NRCAM: variants seen among roughly 807,000 people sequenced by gnomAD.
The protein encoded by NRCAM is NgCAM-related cell adhesion molecule.
Under a neutral mutation model 156.5 loss-of-function variants are expected in NRCAM, and 83 were observed. That is an observed-to-expected ratio of 0.53 (90% confidence interval 0.44 to 0.64). NRCAM has a LOEUF of 0.64. Ranked by LOEUF, NRCAM falls within the 30% of genes least tolerant of loss-of-function variation. NRCAM has a pLI of 0.00. For synonymous variants in NRCAM, 538 were observed against 563.9 expected, an observed-to-expected ratio of 0.95 and a Z score of 0.65; for missense variants, 1,417 against 1,597.3, an observed-to-expected ratio of 0.89 and a Z score of 1.92.
intron 32 of NRCAM, among the ~76,000 whole-genome samples, chr7:108,152,685 T>C (rs1419075753): frequency 6.6e-6 from 1 of 152,140 alleles, no homozygotes; most frequent in Non-Finnish European, 1.5e-5. Flanking sequence ...ATAATGTCTA[T>C]GGCTGCTTTA....
At chr7:108,428,325 C>A (rs1820088082) in intron 1 of NRCAM, among the ~76,000 whole-genome samples, 1 of 152,088 alleles carries the variant, frequency 6.6e-6, no homozygotes, top group Non-Finnish European at 1.5e-5. Flanking sequence ...ATCAGTTGTG[C>A]CTACATATAT....
At chr7:108,308,517 T>C (rs981024573) in intron 3 of NRCAM, among the ~76,000 whole-genome samples, 1 of 152,170 alleles carries the variant, frequency 6.6e-6, no homozygotes, top group Non-Finnish European at 1.5e-5. Flanking sequence ...ACCAGATATT[T>C]CTCCCCACTA....
intron 2 of NRCAM, among the ~76,000 whole-genome samples, chr7:108,377,293 G>A (rs2099680255): frequency 6.6e-6 from 1 of 152,152 alleles, no homozygotes; most frequent in Non-Finnish European, 1.5e-5. Context: ...CAAACAAAAT[G>A]AATCCCAGAC....
At chr7:108,428,497 T>C (rs1820353340) in intron 1 of NRCAM, among the ~76,000 whole-genome samples, 1 of 152,198 alleles carries the variant, frequency 6.6e-6, no homozygotes, top group African/African-American at 2.4e-5. Context: ...GTGAGAAGAC[T>C]ATATGTTCCT....
At chr7:108,191,958 T>C (rs1204412022) in intron 17 of NRCAM, 105 bp from the exon 18 acceptor site, 4 of 1,326,224 alleles carry the variant, frequency 3.0e-6, no homozygotes, top group Non-Finnish European at 3.1e-6. Flanking sequence ...AGGAGAAAGA[T>C]GGTAAACACT....
chr7:108,381,853 G>A (rs920973075), intron 2 of NRCAM, among the ~76,000 whole-genome samples: 1 of 152,092 alleles, frequency 6.6e-6, no homozygotes, highest in African/African-American at 2.4e-5. Context: ...GAGTCACTGC[G>A]CCTGGCCTGC....
chr7:108,326,931 C>T (rs2099075091), intron 2 of NRCAM, among the ~76,000 whole-genome samples: 1 of 152,166 alleles, frequency 6.6e-6, no homozygotes, highest in Non-Finnish European at 1.5e-5. Flanking sequence ...TATCATGCTG[C>T]CCTTATCCTT....
intron 1 of NRCAM, among the ~76,000 whole-genome samples, chr7:108,443,322 G>A (rs1398441429): frequency 6.6e-6 from 1 of 152,144 alleles, no homozygotes; most frequent in African/African-American, 2.4e-5. Flanking sequence ...ACCAAATGGG[G>A]AGACATCATA....
At chr7:108,336,433 T>A (rs1319222022) in intron 2 of NRCAM, among the ~76,000 whole-genome samples, 3 of 152,246 alleles carry the variant, frequency 2.0e-5, no homozygotes, top group Admixed American at 2.0e-4. Flanking sequence ...TCTGTAGGAA[T>A]TAACAACTAA....
chr7:108,165,646 C>A (rs1331899968), intron 30 of NRCAM, among the ~76,000 whole-genome samples: 6 of 152,230 alleles, frequency 3.9e-5, no homozygotes, highest in Non-Finnish European at 7.4e-5. Flanking sequence ...ATACAAAGAA[C>A]AGAATAAAAT....
chr7:108,183,753 T>A (rs1283819876), intron 22 of NRCAM, among the ~76,000 whole-genome samples: 1 of 152,128 alleles, frequency 6.6e-6, no homozygotes, highest in Non-Finnish European at 1.5e-5. Flanking sequence ...GTCAGGCTGG[T>A]CTCAAACTCC....
intron 2 of NRCAM, among the ~76,000 whole-genome samples, chr7:108,323,785 A>C (rs973023644): frequency 1.3e-5 from 2 of 152,120 alleles, no homozygotes; most frequent in Non-Finnish European, 2.9e-5. Flanking sequence ...GTGAGAAAAT[A>C]GAGTGTGAAG....
intron 1 of NRCAM, among the ~76,000 whole-genome samples, chr7:108,441,013 G>A (rs928790034): frequency 4.6e-5 from 7 of 152,164 alleles, no homozygotes; most frequent in Non-Finnish European, 7.3e-5. Flanking sequence ...GGGGATGCCC[G>A]TTAATGTCAA....
intron 12 of NRCAM, 131 bp downstream of exon 12, chr7:108,209,290 G>C: frequency 1.6e-6 from 1 of 616,136 alleles, no homozygotes; most frequent in Non-Finnish European, 2.7e-6. Flanking sequence ...GCAATGAGAA[G>C]AGAGTCAAGG....
intron 3 of NRCAM, among the ~76,000 whole-genome samples, chr7:108,275,547 A>C (rs1336516394): frequency 1.3e-5 from 2 of 152,110 alleles, no homozygotes; most frequent in Non-Finnish European, 2.9e-5. Flanking sequence ...GTATTCTCTG[A>C]TGGTAGTTTG....
At position 108,208,231 on chromosome 7, in the gene NRCAM, G is replaced by A. The variant is rs191682866; in HGVS notation, c.1076-572C>T. 4.8e-3 allele frequency among the ~76,000 whole-genome samples: 736 copies of A among 152,030 alleles called. 18 individuals are homozygous for A. Among genetic ancestry groups the A allele is most frequent in the East Asian group, 0.034 (178 of 5,168 alleles). Reference sequence around the variant, plus strand: ...TGAGGCAGGAGAATTGCTTGAACCCGGGAGGTGGAGGTTGCAGTGAGCCAA... The same window carrying A: ...TGAGGCAGGAGAATTGCTTGAACCCAGGAGGTGGAGGTTGCAGTGAGCCAA... On this transcript the variant is annotated intron_variant, in intron 12 of 32. Coordinates refer to ENST00000379028, the MANE Select transcript of NRCAM (RefSeq NM_001037132.4).
chr7:108,198,247 T>G, intron 13 of NRCAM, 148 bp from the exon 14 acceptor site: 1 of 544,416 alleles, frequency 1.8e-6, no homozygotes, highest in South Asian at 3.5e-5. Flanking sequence ...ACCAGAACAT[T>G]TTCCTTCTCA....
In NRCAM at chr7:108,336,235, A is replaced by G. The variant is rs548828505; in HGVS notation, c.-173-23504T>C. Among the ~76,000 whole-genome samples, 5 of 152,350 alleles carry G rather than the reference A, an allele frequency of 3.3e-5. No homozygotes were observed. In the East Asian group the frequency reaches 9.6e-4, roughly 29 times the overall value. ...GACCTTAAGCTTCTTCTACAAGTCC[A>G]GTGCCCCTTCCCGGCTGTCTAATCC... On this transcript the variant is annotated intron_variant, in intron 2 of 32. Transcript: ENST00000379028.
At chr7:108,219,074 T>C (rs571615116) in intron 11 of NRCAM, among the ~76,000 whole-genome samples, 5 of 152,136 alleles carry the variant, frequency 3.3e-5, no homozygotes, top group Non-Finnish European at 7.4e-5. Context: ...AAGGCTGCTA[T>C]GAACACCCTT....
Sources: gnomAD v4.1 joint callset for allele counts (sites outside exome capture counted in the v4.1 genomes callset) on GRCh38, gnomAD v4.1.1 for gene constraint, MANE v1.5 for transcripts, NCBI Gene and HGNC (gene_info 2026-07-23, HGNC 2026-07-21) for gene names.